Variants in PRSS36 observed in about 807,000 individuals in gnomAD.
The protein encoded by PRSS36 is polyserase-2.
Under a neutral mutation model 94.3 loss-of-function variants are expected in PRSS36, and 90 were observed. The ratio of observed to expected loss-of-function variants is 0.95; its 90% CI spans 0.80 to 1.14. The LOEUF is 1.14. Among genes scored for constraint, PRSS36 ranks in the 50% most tolerant of loss-of-function variants. The probability of loss-of-function intolerance (pLI) is 0.00; values close to 1 mark genes in which losing one functional copy is unlikely to be tolerated. For synonymous variants in PRSS36, 500 were observed against 489.6 expected (o/e 1.02, Z -0.28); for missense variants, 1,158 against 1,135.0 (o/e 1.02, Z -0.29).
rs143227575 is a variant in PRSS36 at position 31,143,384 on chromosome 16, A to G, written c.1058T>C (p.Val353Ala). Residue 353 changes from valine to alanine, a missense_variant, in exon 8 of 15, where the codon GTG becomes GCG. By Grantham distance (64) the Val-to-Ala change is moderately conservative (BLOSUM62 0). Transcript: ENST00000268281. ...AGGTGCCAAGACCCAGCTTTCAGAC[A>G]CCAGCGCCCCATGGCAGGGTCTGGA... ...PGSRPCHGALVSESWVLAPAS... is the reference protein window; with the variant it reads ...PGSRPCHGALASESWVLAPAS... The G allele has an allele frequency of 9.3e-6, 15 of 1,611,890 alleles. No homozygotes were observed. Among genetic ancestry groups the G allele is most frequent in the Non-Finnish European group, 1.3e-5 (15 of 1,179,304 alleles).
chr16:31,140,556 G>C lies in PRSS36; in HGVS notation c.2103C>G (p.His701Gln). 6.3e-7 allele frequency: 1 copy of C among 1,591,286 alleles called. No homozygotes were observed. Among genetic ancestry groups the C allele is most frequent in the South Asian group, 1.2e-5 (1 of 86,696 alleles). The change falls in exon 13 of 15, where the codon CAC (histidine) becomes CAG (glutamine). Residue 701 changes from histidine (H) to glutamine (Q), a missense_variant. By Grantham distance (24) the His-to-Gln change is conservative. Coordinates refer to ENST00000268281, the MANE Select transcript of PRSS36 (RefSeq NM_173502.5). Reference sequence around the variant, plus strand: ...TGGCCCCCGGGGGGATACCCGCCGGGTGGAGACAGATGGGCAGGGCTGATG... The same window carrying C: ...TGGCCCCCGGGGGGATACCCGCCGGCTGGAGACAGATGGGCAGGGCTGATG... The part of the protein sequence containing the change: ...PSPSALPICL[H>Q]PAGIPPGASC...
Position 31,148,459 on chromosome 16 carries a change from G to A in PRSS36, c.489C>T (p.Ala163=), listed in dbSNP as rs1490967245. ...PAVWPVCLPR[A]SHRFVHGTAC... is the part of the protein sequence containing the mutation. Reference sequence around the variant, plus strand: ...CGGTGCCGTGCACGAAGCGGTGTGAGGCGCGGGGCAGGCAGACAGGCCACA... The same window carrying A: ...CGGTGCCGTGCACGAAGCGGTGTGAAGCGCGGGGCAGGCAGACAGGCCACA... The change falls in exon 5 of 15, where the codon GCC becomes GCT. Residue 163 remains alanine, a synonymous_variant. Coordinates refer to ENST00000268281, the MANE Select transcript of PRSS36 (RefSeq NM_173502.5). 6.4e-7 allele frequency: 1 copy of A among 1,574,410 alleles called. No individual in the cohort carries two copies. Among genetic ancestry groups the A allele is most frequent in the South Asian group, 1.1e-5 (1 of 88,192 alleles).
rs1313991698 is a variant in PRSS36, at chr16:31,142,891, C to T, written c.1203G>A (p.Glu401=). The T allele has an allele frequency of 2.6e-6, 4 of 1,556,936 alleles. No homozygotes were observed. Among genetic ancestry groups the T allele is most frequent in the East Asian group, 2.5e-5 (1 of 39,548 alleles). ...CCGAGGCGTTGTCCCACGAAGCGTT[C>T]TCGTGCTGCACCAGGCGCGCCACCC... ...AERVARLVQH[E]NASWDNASDL... is the part of the protein sequence containing the mutation. Residue 401 remains glutamate (E), a synonymous_variant, in exon 9 of 15, where the codon GAG becomes GAA. Transcript: ENST00000268281.
In PRSS36 at chr16:31,142,018, GCTC is replaced by G; in HGVS notation, c.1522-61_1522-59del. On this transcript the variant is annotated intron_variant, in intron 10 of 14. Transcript: ENST00000268281. ...CTGCGTGTGTGCAGAGAATATCAGA[GCTC>G]CTGGGGCTTTCCAGGACTCCAGATT... 4 of 1,478,460 alleles carry G rather than the reference GCTC, an allele frequency of 2.7e-6. No homozygotes were observed. In the South Asian group the frequency reaches 4.6e-5, roughly 17 times the overall value. 91.6% of individuals were successfully genotyped at this position (1,478,460 alleles called of 1,614,324 possible).
At position 31,141,877 on chromosome 16, in the gene PRSS36, T is replaced by C; in HGVS notation, c.1605A>G (p.Leu535=). The C allele has an allele frequency of 1.9e-6, 3 of 1,614,076 alleles. No individual in the cohort carries two copies. Among genetic ancestry groups the C allele is most frequent in the African/African-American group, 1.3e-5 (1 of 74,996 alleles). The change falls in exon 11 of 15, where the codon CTA becomes CTG. Residue 535 remains leucine, a synonymous_variant. Coordinates refer to ENST00000268281, the MANE Select transcript of PRSS36 (RefSeq NM_173502.5). ...GCAGAGGGAAGAAGGCTCGGGGACG[T>C]AGACAGCCACTGGGAAAGTCTCTGA... The part of the protein sequence containing the change: ...AGIRDFPSGC[L]RPRAFFPLQT...
chr16:31,140,776 A>G lies in PRSS36; in HGVS notation c.1902-19T>C, dbSNP rs1412284504. 8 of 1,612,480 alleles carry G rather than the reference A, an allele frequency of 5.0e-6. No homozygotes were observed. The highest frequency in any genetic ancestry group is 5.9e-6 in the Non-Finnish European group (7 of 1,179,328). On this transcript the variant is annotated intron_variant, in intron 12 of 14. Coordinates refer to ENST00000268281, the MANE Select transcript of PRSS36 (RefSeq NM_173502.5). ...GCCTGGCCTGTTGGAACAAGGTCCA[A>G]TGTCACCTTCTGCTCCTCCCATTGC...
chr16:31,149,153 C>T lies in PRSS36; in HGVS notation c.192G>A (p.Leu64=), dbSNP rs910062779. The T allele has an allele frequency of 6.3e-7, 1 of 1,578,294 alleles. No homozygotes were observed. The highest frequency in any genetic ancestry group is 8.6e-7 in the Non-Finnish European group (1 of 1,163,140). ...QPGTWPWQVS[L]HHGGGHICGG... is the part of the protein sequence containing the mutation. ...CGCAGATGTGGCCACCTCCATGGTG[C>T]AGGCTCACTTGCCAAGGCCAGGTGC... The change falls in exon 4 of 15, where the codon CTG becomes CTA. Residue 64 remains leucine (L), a synonymous_variant. Transcript: ENST00000268281.
rs374681914 is a variant in PRSS36, at chr16:31,141,926, T to G, written c.1556A>C (p.Glu519Ala). ...GATTCCAGCCAGAAACCAGGTCCCC[T>G]CCTCCTGGCACAAAAGGCTCCAACG... ...DSRWSLLCQE[E>A]GTWFLAGIRD... The change falls in exon 11 of 15, where the codon GAG (glutamate) becomes GCG (alanine). Residue 519 changes from glutamate to alanine, a missense_variant. By Grantham distance (107) the Glu-to-Ala change is moderately radical. Transcript: ENST00000268281. The G allele has an allele frequency of 2.5e-6, 4 of 1,613,920 alleles. No homozygotes were observed. In the African/African-American group the frequency reaches 5.3e-5, roughly 22 times the overall value.
At chr16:31,146,867 G>C (rs1395063388) in intron 5 of PRSS36, among the ~76,000 whole-genome samples, 1 of 152,172 alleles carries the variant, frequency 6.6e-6, no homozygotes, top group Non-Finnish European at 1.5e-5. Context: ...TATAATCCCA[G>C]CTACTTGGGA....
chr16:31,143,257 C>T, intron 8 of PRSS36, 85 bp downstream of exon 8: 1 of 1,513,246 alleles, frequency 6.6e-7, no homozygotes, highest in Non-Finnish European at 8.8e-7. Flanking sequence ...CCCACACCCC[C>T]TGGGGAGGGG....
intron 3 of PRSS36, 24 bp from the exon 4 acceptor site, chr16:31,149,259 C>A: frequency 1.3e-6 from 2 of 1,536,434 alleles, no homozygotes; most frequent in Non-Finnish European, 1.8e-6. Context: ...CCGTGGAAGC[C>A]AAAGCTCCCC....
intron 8 of PRSS36, 23 bp downstream of exon 8, chr16:31,143,319 T>C: frequency 6.4e-7 from 1 of 1,570,282 alleles, no homozygotes. Flanking sequence ...AAGGATCGGC[T>C]TGAAACGTAG....
At chr16:31,148,933 C>G (rs2057848012) in intron 4 of PRSS36, 140 bp downstream of exon 4, 5 of 1,082,644 alleles carry the variant, frequency 4.6e-6, no homozygotes, top group Non-Finnish European at 6.6e-6. Context: ...ACCATGATGC[C>G]TCGAATAGCA....
intron 10 of PRSS36, among the ~76,000 whole-genome samples, 174 bp downstream of exon 10, chr16:31,142,307 C>T (rs1352782196): frequency 2.6e-5 from 4 of 151,982 alleles, no homozygotes; most frequent in Non-Finnish European, 4.4e-5. Flanking sequence ...TCCTAGAGCC[C>T]ACTCGGACCC....
chr16:31,140,719 A>G lies in PRSS36; in HGVS notation c.1940T>C (p.Leu647Pro), dbSNP rs1207256561. Residue 647 changes from leucine to proline, a missense_variant, in exon 13 of 15, where the codon CTG becomes CCG. Transcript: ENST00000268281. ...GAGGGAGCTGGCCCCTGCCCGGCCC[A>G]GATACACTTCAATGTAAGGCACTGT... The part of the protein sequence containing the change: ...STTVPYIEVY[L>P]GRAGASSLPQ... 1 of 1,613,954 alleles carries G rather than the reference A, an allele frequency of 6.2e-7. No homozygotes were observed. Among genetic ancestry groups the G allele is most frequent in the Non-Finnish European group, 8.5e-7 (1 of 1,179,982 alleles).
At position 31,148,684 on chromosome 16, in the gene PRSS36, G is replaced by A. The variant is rs1275266404; in HGVS notation, c.273-9C>T. On this transcript the variant is annotated splice_polypyrimidine_tract_variant and intron_variant, in intron 4 of 14. Coordinates refer to ENST00000268281, the MANE Select transcript of PRSS36 (RefSeq NM_173502.5). ...GCTCCAGCGTCCCATTCCTGCGCTC[G>A]ACCGGGGCAGTAGGAGGTTAGGTTG... 6.2e-7 allele frequency: 1 copy of A among 1,611,800 alleles called. No individual in the cohort carries two copies. Among genetic ancestry groups the A allele is most frequent in the East Asian group, 2.2e-5 (1 of 44,854 alleles).
intron 2 of PRSS36, 34 bp downstream of exon 2, chr16:31,149,662 T>G: frequency 6.2e-7 from 1 of 1,614,076 alleles, no homozygotes; most frequent in Non-Finnish European, 8.5e-7. Flanking sequence ...TTTCTGCCTC[T>G]GCACGTGACT....
At chr16:31,146,707 C>T (rs777845166) in intron 5 of PRSS36, among the ~76,000 whole-genome samples, 11 of 152,130 alleles carry the variant, frequency 7.2e-5, no homozygotes, top group Admixed American at 4.6e-4. Context: ...GTCAAAGGCG[C>T]GGTGACTCAC....
rs1567445034 is a variant in PRSS36, at chr16:31,141,623, G to C, written c.1760-13C>G. Reference sequence around the variant, plus strand: ...CGCAGGCCACAGGCTAGGGAGAGGAGGTGGCCACCTCAGTTGGGGCCCCAT... The same window carrying C: ...CGCAGGCCACAGGCTAGGGAGAGGACGTGGCCACCTCAGTTGGGGCCCCAT... On this transcript the variant is annotated splice_polypyrimidine_tract_variant and intron_variant, in intron 11 of 14. Transcript: ENST00000268281. The C allele has an allele frequency of 6.2e-7, 1 of 1,612,570 alleles. No individual in the cohort carries two copies. Among genetic ancestry groups the C allele is most frequent in the East Asian group, 2.2e-5 (1 of 44,848 alleles).
Sources: allele counts gnomAD v4.1 joint callset (sites outside exome capture counted in the v4.1 genomes callset), GRCh38; gene constraint gnomAD v4.1.1; transcripts MANE v1.5; gene names NCBI Gene and HGNC (gene_info 2026-07-23, HGNC 2026-07-21).